The following MEIS2 variants were observed in gnomAD, a reference collection of about 807,000 sequenced individuals.
MEIS2 encodes the protein Meis homeobox 2, also known as homeobox protein Meis2.
MEIS2 carries 9 observed loss-of-function variants against 58.6 expected under a neutral mutation model. That is an observed-to-expected ratio of 0.15 (90% CI 0.09 to 0.27). The LOEUF is 0.27. Among genes scored for constraint, MEIS2 ranks in the 10% least tolerant of loss-of-function variants. The pLI is 1.00. For missense variants in MEIS2, 427 were observed against 635.0 expected, an observed-to-expected ratio of 0.67 and a Z score of 3.52; for synonymous variants, 221 against 228.4, an observed-to-expected ratio of 0.97 and a Z score of 0.29.
intron 8 of MEIS2, among the ~76,000 whole-genome samples, chr15:37,007,276 C>A (rs984356005): frequency 1.3e-5 from 2 of 152,154 alleles, no homozygotes; most frequent in Admixed American, 6.5e-5. Context: ...CAGCTGTAAT[C>A]TCAGCTATCC....
intron 7 of MEIS2, among the ~76,000 whole-genome samples, chr15:37,081,876 C>T (rs1456047818): frequency 6.6e-6 from 1 of 152,064 alleles, no homozygotes; most frequent in Non-Finnish European, 1.5e-5. Flanking sequence ...TTGTTTTTAC[C>T]TATATATCAG....
intron 9 of MEIS2, among the ~76,000 whole-genome samples, chr15:36,904,465 AC>A (rs1236389031): frequency 7.2e-5 from 11 of 152,146 alleles, no homozygotes; most frequent in Non-Finnish European, 1.3e-4. Context: ...GCTCGCATGA[AC>A]CACACGCTCC....
chr15:36,911,995 T>C (rs1002737964), intron 9 of MEIS2, among the ~76,000 whole-genome samples: 2 of 152,208 alleles, frequency 1.3e-5, no homozygotes, highest in Admixed American at 1.3e-4. Context: ...GACCCACTTA[T>C]TTAACCTTTT....
At chr15:37,021,653 G>C (rs1433481765) in intron 8 of MEIS2, among the ~76,000 whole-genome samples, 1 of 152,136 alleles carries the variant, frequency 6.6e-6, no homozygotes, top group Non-Finnish European at 1.5e-5. Flanking sequence ...TGGGTTTCCA[G>C]TGTTCCCAGT....
intron 9 of MEIS2, chr15:36,897,405 G>A (rs565977405): frequency 6.6e-6 from 1 of 152,272 alleles, no homozygotes; most frequent in Admixed American, 6.5e-5. Flanking sequence ...CTCAAGAAAC[G>A]TTTGCAAATC....
upstream of MEIS2, chr15:37,100,606 G>A (rs1421848230): frequency 2.1e-5 from 3 of 143,216 alleles, no homozygotes; most frequent in African/African-American, 7.5e-5. Context: ...AGGGGGAGGG[G>A]AGGCTCGAGC....
chr15:37,036,719 G>C, intron 8 of MEIS2, 95 bp downstream of exon 8: 1 of 1,336,134 alleles, frequency 7.5e-7, no homozygotes, highest in East Asian at 2.5e-5. Context: ...TAAGAAAATA[G>C]GCACCTTAGT....
Position 37,082,318 on chromosome 15 carries a change from G to A in MEIS2, c.754+1453C>T, listed in dbSNP as rs528787332. ...GATAGCCTCATTAGACCATTAAGTC[G>A]GCTTCTCCTTTTCCCCTCTTTTATA... On this transcript the variant is annotated intron_variant, in intron 7 of 11. Coordinates refer to ENST00000561208, the MANE Select transcript of MEIS2 (RefSeq NM_170675.5). 7.2e-5 allele frequency among the ~76,000 whole-genome samples: 11 copies of A among 152,186 alleles called. No homozygotes were observed. The East Asian group carries it at 1.5e-3, about 21-fold the overall frequency.
At chr15:36,904,747 T>C (rs1429428731) in intron 9 of MEIS2, among the ~76,000 whole-genome samples, 2 of 152,024 alleles carry the variant, frequency 1.3e-5, no homozygotes. Flanking sequence ...CTTTAGCAAA[T>C]GCATTATCAA....
At chr15:36,966,291 T>C (rs1021697601) in intron 8 of MEIS2, among the ~76,000 whole-genome samples, 1 of 152,198 alleles carries the variant, frequency 6.6e-6, no homozygotes, top group African/African-American at 2.4e-5. Flanking sequence ...CACTTTCTCA[T>C]ACATATAGAA....
At chr15:37,056,626 C>G (rs900705425) in intron 7 of MEIS2, among the ~76,000 whole-genome samples, 3 of 152,192 alleles carry the variant, frequency 2.0e-5, no homozygotes, top group Non-Finnish European at 2.9e-5. Flanking sequence ...ATTACAGCCC[C>G]GCTCACTGCC....
intron 8 of MEIS2, among the ~76,000 whole-genome samples, chr15:37,025,572 T>G (rs1375848955): frequency 6.6e-6 from 1 of 152,142 alleles, no homozygotes; most frequent in East Asian, 1.9e-4. Flanking sequence ...TTCTATTGTC[T>G]GCTCCAACCA....
intron 7 of MEIS2, chr15:37,066,638 G>A (rs1889969989): frequency 6.6e-6 from 1 of 152,170 alleles, no homozygotes; most frequent in Non-Finnish European, 1.5e-5. Flanking sequence ...CATAACTTGA[G>A]TTTTAAATAA....
intron 8 of MEIS2, among the ~76,000 whole-genome samples, chr15:36,982,568 T>C (rs2059962540): frequency 6.6e-6 from 1 of 152,220 alleles, no homozygotes; most frequent in South Asian, 2.1e-4. Flanking sequence ...GATACTTAGT[T>C]TGATTCCACA....
At chr15:36,894,701 A>T (rs1374010700) in intron 11 of MEIS2, 2 of 1,566,086 alleles carry the variant, frequency 1.3e-6, no homozygotes, top group Non-Finnish European at 1.8e-6. Flanking sequence ...GACAGATCGC[A>T]CCCGACTGTA....
chr15:36,893,692 CA>C (rs2056011232), intron 11 of MEIS2, among the ~76,000 whole-genome samples: 1 of 152,136 alleles, frequency 6.6e-6, no homozygotes, highest in Non-Finnish European at 1.5e-5. Flanking sequence ...CCAAGCTGAG[CA>C]AATGTTTTCT....
At chr15:37,009,977 T>C (rs947927594) in intron 8 of MEIS2, among the ~76,000 whole-genome samples, 5 of 152,216 alleles carry the variant, frequency 3.3e-5, no homozygotes, top group African/African-American at 4.8e-5. Flanking sequence ...ATTGAATTAA[T>C]GTCCTTACAG....
intron 7 of MEIS2, chr15:37,066,436 C>T (rs1889940309): frequency 6.6e-6 from 1 of 152,132 alleles, no homozygotes; most frequent in African/African-American, 2.4e-5. Context: ...ATGGCTTTGT[C>T]TTCATTCTTC....
chr15:36,991,942 T>C (rs1480468101), intron 8 of MEIS2, among the ~76,000 whole-genome samples: 14 of 149,694 alleles, frequency 9.4e-5, no homozygotes, highest in East Asian at 7.9e-4. Context: ...CGCCTGCCAC[T>C]ACGCCCGGCT....
Sources: gnomAD v4.1 joint callset for allele counts (sites outside exome capture counted in the v4.1 genomes callset) on GRCh38, gnomAD v4.1.1 for gene constraint, MANE v1.5 for transcripts, NCBI Gene and HGNC (gene_info 2026-07-23, HGNC 2026-07-21) for gene names.